The following ELMO1 variants were observed in gnomAD, a reference collection of about 807,000 sequenced individuals.
The protein encoded by ELMO1 is engulfment and cell motility protein 1.
In ELMO1, 26 loss-of-function variants were observed where a neutral mutation model predicts 98.9. The observed-to-expected ratio is 0.26, with a 90% CI of 0.19 to 0.36. ELMO1 has a LOEUF of 0.36. ELMO1 is among the 10% of genes least tolerant of loss of function. ELMO1 has a pLI of 1.00. For missense variants in ELMO1, 627 were observed against 935.2 expected (o/e 0.67, Z 4.30); for synonymous variants, 346 against 346.0 (o/e 1.00, Z 0.00).
chr7:37,337,713 C>T (rs1201120838), intron 2 of ELMO1, among the ~76,000 whole-genome samples: 1 of 152,152 alleles, frequency 6.6e-6, no homozygotes, highest in Non-Finnish European at 1.5e-5. Flanking sequence ...CCGAGAAGTT[C>T]TAGGCAAAGA....
rs1800781307 is a variant in ELMO1 at position 37,342,669 on chromosome 7, C to T, written c.22G>A (p.Val8Ile). 8.1e-6 allele frequency: 13 copies of T among 1,611,554 alleles called. No individual in the cohort carries two copies. The highest frequency in any genetic ancestry group is 2.2e-5 in the East Asian group (1 of 44,826). Residue 8 changes from valine to isoleucine, a missense_variant, in exon 2 of 22, where the codon GTC becomes ATC. Coordinates refer to ENST00000310758, the MANE Select transcript of ELMO1 (RefSeq NM_014800.11). The surrounding 1 kb of genome is among the most constrained non-coding windows in gnomAD (Gnocchi z 4.3). ...CCCGGCCATTCTATGGCCACCTTGA[C>T]GATGTCCGCGGGTGGCGGCATTGTA... MPPPADI[V>I]KVAIEWPGAY...
At chr7:37,164,865 T>C (rs1789531136) in intron 13 of ELMO1, among the ~76,000 whole-genome samples, 1 of 151,256 alleles carries the variant, frequency 6.6e-6, no homozygotes, top group Admixed American at 6.6e-5. Flanking sequence ...TTTTTTCCAA[T>C]TCTGTGAAGA....
At chr7:37,063,194 T>C (rs931986188) in intron 15 of ELMO1, among the ~76,000 whole-genome samples, 21 of 152,218 alleles carry the variant, frequency 1.4e-4, no homozygotes, top group African/African-American at 4.3e-4. Context: ...TCAAGTCTTA[T>C]GTGATTGTCA....
intron 15 of ELMO1, among the ~76,000 whole-genome samples, chr7:37,042,423 T>C (rs1004438056): frequency 6.6e-6 from 1 of 152,186 alleles, no homozygotes; most frequent in African/African-American, 2.4e-5. Context: ...TTTCTCTTAG[T>C]TGAATTCTGA....
chr7:36,927,612 G>C (rs76854336), intron 16 of ELMO1, among the ~76,000 whole-genome samples: 5,482 of 152,274 alleles, frequency 0.036, 209 homozygotes, highest in South Asian at 0.16. Flanking sequence ...AGAATTGAAA[G>C]CTTACAGTAC....
chr7:37,378,587 G>T (rs1802456670), intron 1 of ELMO1, among the ~76,000 whole-genome samples: 1 of 150,584 alleles, frequency 6.6e-6, no homozygotes, highest in Non-Finnish European at 1.5e-5. Flanking sequence ...TACTGCCGTG[G>T]TATAAACGAA....
At chr7:36,857,041 A>C (rs1424516161) in intron 21 of ELMO1, among the ~76,000 whole-genome samples, 1 of 152,166 alleles carries the variant, frequency 6.6e-6, no homozygotes, top group Non-Finnish European at 1.5e-5. Flanking sequence ...GATGTGATGG[A>C]AATCTTCCGT....
At chr7:37,271,738 A>G in intron 5 of ELMO1, 94 bp downstream of exon 5, 1 of 1,380,210 alleles carries the variant, frequency 7.2e-7, no homozygotes, top group Non-Finnish European at 1.0e-6. Flanking sequence ...GCTTTGCACT[A>G]AAGTCAACCT....
intron 16 of ELMO1, among the ~76,000 whole-genome samples, chr7:36,970,180 A>C (rs996244600): frequency 1.1e-4 from 16 of 144,244 alleles, no homozygotes; most frequent in Non-Finnish European, 2.0e-4. Context: ...TCATACACTT[A>C]ACACACACAC....
chr7:37,040,222 C>T lies in ELMO1; in HGVS notation c.1301-26787G>A, dbSNP rs150359109. 2.9e-3 allele frequency among the ~76,000 whole-genome samples: 447 copies of T among 152,270 alleles called. 3 individuals carry two copies. Among genetic ancestry groups the T allele is most frequent in the African/African-American group, 9.8e-3 (406 of 41,550 alleles). ...TAGAGAGACAGGTGTTCAACTTAGA[C>T]ACCTACCACTAGACAAAAACCATCC... is the stretch of plus-strand genomic sequence containing the variant. On this transcript the variant is annotated intron_variant, in intron 15 of 21. Transcript: ENST00000310758.
chr7:37,332,017 A>T (rs1396994068), intron 2 of ELMO1, among the ~76,000 whole-genome samples: 2 of 152,188 alleles, frequency 1.3e-5, no homozygotes, highest in Non-Finnish European at 2.9e-5. Flanking sequence ...GTCAACGAAG[A>T]AATGACAGCC....
chr7:37,145,615 AC>A (rs1361771378), intron 13 of ELMO1, among the ~76,000 whole-genome samples: 3 of 152,238 alleles, frequency 2.0e-5, no homozygotes, highest in African/African-American at 7.2e-5. Flanking sequence ...TTTAAATGAT[AC>A]GTGTTTTTCA....
intron 1 of ELMO1, among the ~76,000 whole-genome samples, chr7:37,445,658 G>A (rs1805584356): frequency 7.0e-6 from 1 of 142,658 alleles, no homozygotes; most frequent in African/African-American, 2.6e-5. Context: ...TAGTAATTTA[G>A]TAAATGTTCA....
intron 16 of ELMO1, among the ~76,000 whole-genome samples, chr7:36,950,554 T>C (rs1787885052): frequency 6.6e-6 from 1 of 152,192 alleles, no homozygotes; most frequent in Non-Finnish European, 1.5e-5. Flanking sequence ...AGGCAATTTA[T>C]CTCTTTTGTC....
intron 4 of ELMO1, among the ~76,000 whole-genome samples, chr7:37,309,078 G>C (rs117874121): frequency 2.0e-5 from 3 of 152,136 alleles, no homozygotes; most frequent in Middle Eastern, 3.4e-3. Flanking sequence ...GTATTAGTCC[G>C]TTCTCATGCT....
rs1436401438 is a variant in ELMO1, at chr7:37,192,894, AT to A, written c.1086+18491del. On this transcript the variant is annotated intron_variant, in intron 13 of 21. Coordinates refer to ENST00000310758, the MANE Select transcript of ELMO1 (RefSeq NM_014800.11). ...ACATGTTTATATATGATATATATTT[AT>A]CTATAGATACATATATTTTATATAT... Among the ~76,000 whole-genome samples the A allele has an allele frequency of 2.8e-5, 4 of 145,216 alleles. 1 individual carries two copies. Among genetic ancestry groups the A allele is most frequent in the African/African-American group, 1.0e-4 (4 of 39,734 alleles).
intron 2 of ELMO1, among the ~76,000 whole-genome samples, chr7:37,341,706 G>GA (rs1173280796): frequency 4.6e-5 from 7 of 151,986 alleles, no homozygotes; most frequent in Non-Finnish European, 8.8e-5. Flanking sequence ...ATCTGACCAG[G>GA]AAAAAAAATT....
At chr7:37,408,345 A>C (rs1000680153) in intron 1 of ELMO1, among the ~76,000 whole-genome samples, 2 of 152,200 alleles carry the variant, frequency 1.3e-5, no homozygotes, top group African/African-American at 2.4e-5. Flanking sequence ...CATTGGAAAA[A>C]AGATGACAAA....
chr7:37,232,094 C>A (rs1794207490), intron 8 of ELMO1, among the ~76,000 whole-genome samples: 1 of 152,118 alleles, frequency 6.6e-6, no homozygotes, highest in South Asian at 2.1e-4. Context: ...CTCAAATAAT[C>A]CACCTGCGCT....
Sources: gnomAD v4.1 joint callset for allele counts (sites outside exome capture counted in the v4.1 genomes callset) on GRCh38, gnomAD v4.1.1 for gene constraint, Gnocchi (gnomAD v3.1) non-coding constraint, MANE v1.5 for transcripts, NCBI Gene and HGNC (gene_info 2026-07-23, HGNC 2026-07-21) for gene names.